TRPV3: variants seen among roughly 807,000 people sequenced by gnomAD.
The protein encoded by TRPV3 is transient receptor potential cation channel subfamily V member 3, also known as VRL-3.
TRPV3 carries 88 observed loss-of-function variants against 87.1 expected under a neutral mutation model. The ratio of observed to expected loss-of-function variants is 1.01; its 90% CI spans 0.85 to 1.21. The LOEUF is 1.21. Ranked by LOEUF, TRPV3 falls within the 50% of genes most tolerant of loss-of-function variation. TRPV3 has a pLI of 0.00. For synonymous variants in TRPV3, 438 were observed against 423.3 expected (o/e 1.03, Z -0.43); for missense variants, 1,054 against 1,030.1 (o/e 1.02, Z -0.32).
chr17:3,518,552 G>T lies in TRPV3; in HGVS notation c.2085+24C>A, dbSNP rs768706163. ...AACTGAGTCCCGTGGAGGCCCCCAC[G>T]CTGGGGTCTCCACCTAGGCTCACCT... On this transcript the variant is annotated intron_variant, in intron 15 of 17. Transcript: ENST00000576742. This position sits in a 1 kb window ranked among gnomAD's most constrained non-coding sequence, Gnocchi z 4.3. 6.5e-7 allele frequency: 1 copy of T among 1,538,876 alleles called. No homozygotes were observed. Among genetic ancestry groups the T allele is most frequent in the Admixed American group, 2.0e-5 (1 of 50,370 alleles).
rs777329145 is a variant in TRPV3 at position 3,532,704 on chromosome 17, C to T, written c.1018G>A (p.Asp340Asn). 5 of 1,614,258 alleles carry T rather than the reference C, an allele frequency of 3.1e-6. No individual in the cohort carries two copies. Among genetic ancestry groups the T allele is most frequent in the East Asian group, 4.5e-5 (2 of 44,886 alleles). ...GCCAGCTGCAGCGGCGTGAGGCCAT[C>T]GTTGTTGCGAGTGGTCTCCAGCTCC... is the stretch of plus-strand genomic sequence containing the variant. ...NWELETTRNN[D>N]GLTPLQLAAK... Residue 340 changes from aspartate (D) to asparagine (N), a missense_variant, in exon 8 of 18, where the codon GAT becomes AAT. By Grantham distance (23) the Asp-to-Asn change is conservative. Coordinates refer to ENST00000576742, the MANE Select transcript of TRPV3 (RefSeq NM_145068.4).
At chr17:3,552,639 C>T (rs2150808496) in intron 2 of TRPV3, 1 of 152,384 alleles carries the variant, frequency 6.6e-6, no homozygotes, top group South Asian at 2.1e-4. Flanking sequence ...CCAAGCTCAG[C>T]CCTTGGCTGG....
chr17:3,527,006 G>A, intron 11 of TRPV3, 79 bp from the exon 12 acceptor site: 2 of 1,149,998 alleles, frequency 1.7e-6, no homozygotes. Flanking sequence ...TGCTTCCCCA[G>A]GACCAAGACT....
intron 6 of TRPV3, among the ~76,000 whole-genome samples, chr17:3,537,137 T>C (rs426553): frequency 0.62 from 94,104 of 152,034 alleles, 35,601 homozygotes; most frequent in Non-Finnish European, 0.85. Context: ...TGTTTGTTTG[T>C]ATGTTTGACA....
In TRPV3 at chr17:3,556,337, A is replaced by G. The variant is rs2074632475; in HGVS notation, c.-3+1339T>C. The stretch of plus-strand genomic sequence containing the variant: ...TGGGGGAGACCAGAAGCCAGGGGCC[A>G]GGAGGAGGCTGCTGCAGGGGCCATA... On this transcript the variant is annotated intron_variant, in intron 1 of 17. Transcript: ENST00000576742. This position sits in a 1 kb window ranked among gnomAD's most constrained non-coding sequence, Gnocchi z 4.2. 1.4e-5 allele frequency among the ~76,000 whole-genome samples: 2 copies of G among 147,486 alleles called. No individual in the cohort carries two copies. The highest frequency in any genetic ancestry group is 5.0e-5 in the African/African-American group (2 of 39,652).
rs1035897925 is a variant in TRPV3, at chr17:3,530,258, AG to A, written c.1066-56del. The A allele has an allele frequency of 4.5e-6, 7 of 1,544,436 alleles. No homozygotes were observed. The African/African-American group carries it at 9.5e-5, about 21-fold the overall frequency. ...TGCAGAACAGGGGCTTAAGGCCAACAGGGCTGGACCAGCCAGAGGCTGGCTG... is the reference window on the plus strand; with the variant it reads ...TGCAGAACAGGGGCTTAAGGCCAACAGGCTGGACCAGCCAGAGGCTGGCTG... On this transcript the variant is annotated intron_variant, in intron 8 of 17. Transcript: ENST00000576742. The surrounding 1 kb of genome is among the most constrained non-coding windows in gnomAD (Gnocchi z 4.0).
rs747932928 is a variant in TRPV3, at chr17:3,551,870, C to CTTTTTTTTTTTTTTTTTTTTTT, written c.119+2840_119+2861dup. On this transcript the variant is annotated intron_variant, in intron 2 of 17. Coordinates refer to ENST00000576742, the MANE Select transcript of TRPV3 (RefSeq NM_145068.4). The stretch of plus-strand genomic sequence containing the variant: ...CCTCTTTCTTCACCTGTAATTTATT[C>CTTTTTTTTTTTTTTTTTTTTTT]TTTTTTTTTTTTTTTTTTTTTTTTT... Among the ~76,000 whole-genome samples, 17 of 43,354 alleles carry CTTTTTTTTTTTTTTTTTTTTTT rather than the reference C, an allele frequency of 3.9e-4. 5 individuals carry two copies. Among genetic ancestry groups the CTTTTTTTTTTTTTTTTTTTTTT allele is most frequent in the Non-Finnish European group, 5.9e-4 (14 of 23,886 alleles). The allele number at this position is 43,354 out of a possible 152,430, so 28.4% of individuals were successfully genotyped here.
At chr17:3,551,245 G>A (rs73319044) in intron 2 of TRPV3, among the ~76,000 whole-genome samples, 13,236 of 152,308 alleles carry the variant, frequency 0.087, 1,677 homozygotes, top group African/African-American at 0.28. Flanking sequence ...GCAGGGCTGG[G>A]GAGGACCCCA....
At chr17:3,524,731 G>C (rs564014798) in intron 12 of TRPV3, among the ~76,000 whole-genome samples, 3 of 151,634 alleles carry the variant, frequency 2.0e-5, no homozygotes, top group Non-Finnish European at 2.9e-5. Flanking sequence ...CAACACTTTG[G>C]GGGGCTGAGA....
rs772707032 is a variant in TRPV3, at chr17:3,527,990, C to A, written c.1503+35G>T. On this transcript the variant is annotated intron_variant, in intron 11 of 17. Coordinates refer to ENST00000576742, the MANE Select transcript of TRPV3 (RefSeq NM_145068.4). ...TGGAGGCTGTCACCTGCCTGCCTCGCGGGGCGGTCTGGAAGGGCCGGGTGG... is the reference window on the plus strand; with the variant it reads ...TGGAGGCTGTCACCTGCCTGCCTCGAGGGGCGGTCTGGAAGGGCCGGGTGG... 7.7e-6 allele frequency: 12 copies of A among 1,551,946 alleles called. No homozygotes were observed. In the East Asian group the frequency reaches 1.3e-4, roughly 17 times the overall value.
intron 7 of TRPV3, among the ~76,000 whole-genome samples, chr17:3,534,984 C>A (rs2074385489): frequency 6.6e-6 from 1 of 152,114 alleles, no homozygotes; most frequent in Admixed American, 6.5e-5. Flanking sequence ...CCTCCCCCAA[C>A]ACCTCCTCCC....
At position 3,528,704 on chromosome 17, in the gene TRPV3, T is replaced by G; in HGVS notation, c.1401+133A>C. The G allele has an allele frequency of 9.3e-7, 1 of 1,069,726 alleles. No individual in the cohort carries two copies. Among genetic ancestry groups the G allele is most frequent in the Non-Finnish European group, 1.3e-6 (1 of 751,928 alleles). 66.3% of individuals were successfully genotyped at this position (1,069,726 alleles called of 1,614,324 possible). A position where few individuals can be genotyped will look rare whatever the true frequency, so the allele number is the denominator to read the frequency against. The stretch of plus-strand genomic sequence containing the variant: ...GACATATTCAGTTCCCTGGGAAGCG[T>G]GAAGGACAACTGGGGGACCCCGCCC... On this transcript the variant is annotated intron_variant, in intron 10 of 17. Transcript: ENST00000576742. This position sits in a 1 kb window ranked among gnomAD's most constrained non-coding sequence, Gnocchi z 4.2.
At chr17:3,527,183 C>T (rs541569326) in intron 11 of TRPV3, among the ~76,000 whole-genome samples, 1 of 152,138 alleles carries the variant, frequency 6.6e-6, no homozygotes, top group Non-Finnish European at 1.5e-5. Context: ...ACCTGCAAAG[C>T]GGTACTACCA....
At position 3,544,709 on chromosome 17, in the gene TRPV3, A is replaced by T. The variant is rs1020634017; in HGVS notation, c.225-44T>A. 6 of 1,456,412 alleles carry T rather than the reference A, an allele frequency of 4.1e-6. No individual in the cohort carries two copies. In the Admixed American group the frequency reaches 7.3e-5, roughly 18 times the overall value. 90.2% of individuals were successfully genotyped at this position (1,456,412 alleles called of 1,614,324 possible). A position where few individuals can be genotyped will look rare whatever the true frequency, so the allele number is the denominator to read the frequency against. On this transcript the variant is annotated intron_variant, in intron 3 of 17. Coordinates refer to ENST00000576742, the MANE Select transcript of TRPV3 (RefSeq NM_145068.4). ...GGAACAGAGAGGGTTTTAAAGTTTT[A>T]AAATGGGCCGGGTGAGGTGGCTCAT...
chr17:3,531,646 C>A (rs2074350346), intron 8 of TRPV3, among the ~76,000 whole-genome samples: 2 of 152,208 alleles, frequency 1.3e-5, no homozygotes, highest in African/African-American at 2.4e-5. Flanking sequence ...GCACCCGCCA[C>A]AGTGGCACAC....
At position 3,543,791 on chromosome 17, in the gene TRPV3, C is replaced by G. The variant is rs112230931; in HGVS notation, c.312-163G>C. Among the ~76,000 whole-genome samples, 323 of 152,332 alleles carry G rather than the reference C, an allele frequency of 2.1e-3. 2 individuals carry two copies. The highest frequency in any genetic ancestry group is 7.2e-3 in the African/African-American group (299 of 41,568). Reference sequence around the variant, plus strand: ...CTGGGCTCTGTGTGGACCCATCAGGCTCCCCTTGTAATCCATATGCAATCA... The same window carrying G: ...CTGGGCTCTGTGTGGACCCATCAGGGTCCCCTTGTAATCCATATGCAATCA... On this transcript the variant is annotated intron_variant, in intron 4 of 17. Coordinates refer to ENST00000576742, the MANE Select transcript of TRPV3 (RefSeq NM_145068.4).
At chr17:3,525,349 A>G (rs1470101172) in intron 12 of TRPV3, among the ~76,000 whole-genome samples, 1 of 152,172 alleles carries the variant, frequency 6.6e-6, no homozygotes, top group African/African-American at 2.4e-5. Context: ...GATGTATGCT[A>G]AGTGAAATAA....
chr17:3,532,494 C>A (rs570229642), intron 8 of TRPV3, among the ~76,000 whole-genome samples, 163 bp downstream of exon 8: 28 of 152,382 alleles, frequency 1.8e-4, no homozygotes, highest in African/African-American at 6.7e-4. Context: ...AACAAACCTG[C>A]CTCCGGCCGC....
rs774634054 is a variant in TRPV3, at chr17:3,530,254, C to G, written c.1066-51G>C. 5 of 1,565,364 alleles carry G rather than the reference C, an allele frequency of 3.2e-6. No individual in the cohort carries two copies. The East Asian group carries it at 1.1e-4, about 35-fold the overall frequency. On this transcript the variant is annotated intron_variant, in intron 8 of 17. Coordinates refer to ENST00000576742, the MANE Select transcript of TRPV3 (RefSeq NM_145068.4). This position sits in a 1 kb window ranked among gnomAD's most constrained non-coding sequence, Gnocchi z 4.0. ...CAGCTGCAGAACAGGGGCTTAAGGC[C>G]AACAGGGCTGGACCAGCCAGAGGCT...
Sources: allele counts gnomAD v4.1 joint callset (sites outside exome capture counted in the v4.1 genomes callset), GRCh38; gene constraint gnomAD v4.1.1; non-coding constraint Gnocchi (gnomAD v3.1); transcripts MANE v1.5; gene names NCBI Gene and HGNC (gene_info 2026-07-23, HGNC 2026-07-21).